CYFIP1: variants seen among roughly 807,000 people sequenced by gnomAD.
The protein encoded by CYFIP1 is cytoplasmic FMR1 interacting protein 1.
In CYFIP1, 58 loss-of-function variants were observed where a neutral mutation model predicts 163.5. The ratio of observed to expected loss-of-function variants is 0.35; its 90% CI spans 0.29 to 0.44. CYFIP1 has a LOEUF of 0.44. CYFIP1 is among the 20% of genes least tolerant of loss of function. The pLI is 1.00. For missense variants in CYFIP1, 1,338 were observed against 1,653.8 expected (o/e 0.81, Z 3.31); for synonymous variants, 663 against 660.7 (o/e 1.00, Z -0.05).
At chr15:22,912,790 C>T (rs1406553965) in intron 17 of CYFIP1, among the ~76,000 whole-genome samples, 3 of 151,888 alleles carry the variant, frequency 2.0e-5, no homozygotes, top group East Asian at 1.9e-4. Flanking sequence ...GGCGTGGTGG[C>T]GCACGCCTGA....
In CYFIP1 at chr15:22,944,855, G is replaced by A. The variant is rs189758995; in HGVS notation, c.285+7C>T. The A allele has an allele frequency of 2.7e-4, 437 of 1,613,052 alleles. No homozygotes were observed. The African/African-American group carries it at 5.3e-3, about 20-fold the overall frequency. On this transcript the variant is annotated splice_region_variant and intron_variant, in intron 4 of 30. Coordinates refer to ENST00000617928, the MANE Select transcript of CYFIP1 (RefSeq NM_014608.6). ...GCTGGAGGGGAAGAGCCAGGCGAGCGTGGCACCTGTGGGATGGCCCGGGAG... is the reference window on the plus strand; with the variant it reads ...GCTGGAGGGGAAGAGCCAGGCGAGCATGGCACCTGTGGGATGGCCCGGGAG...
intron 1 of CYFIP1, among the ~76,000 whole-genome samples, chr15:22,970,644 T>A (rs1047879535): frequency 1.3e-5 from 2 of 152,200 alleles, no homozygotes; most frequent in African/African-American, 4.8e-5. Flanking sequence ...CCTTCACATA[T>A]GTGGCCAAAC....
At chr15:22,956,446 C>T (rs564647999) in intron 1 of CYFIP1, among the ~76,000 whole-genome samples, 36 of 152,028 alleles carry the variant, frequency 2.4e-4, no homozygotes, top group African/African-American at 6.8e-4. Flanking sequence ...AGAGGTGGTG[C>T]CAAGAGATTA....
At chr15:22,914,975 T>G in intron 16 of CYFIP1, 93 bp from the exon 17 acceptor site, 1 of 1,322,436 alleles carries the variant, frequency 7.6e-7, no homozygotes. Flanking sequence ...GGGTGCCTGC[T>G]CCTCCTCGCT....
intron 24 of CYFIP1, among the ~76,000 whole-genome samples, chr15:22,882,255 A>AGCTCCAGGGTCCCCCAGGACGCTGTCTGT (rs2059788258): frequency 1.3e-5 from 2 of 152,214 alleles, no homozygotes; most frequent in African/African-American, 4.8e-5. Context: ...GAGCACTGCC[A>AGCTCCAGGGTCCCCCAGGACGCTGTCTGT]GCTCCAGGGT....
At chr15:22,920,837 T>C (rs2061151986) in intron 13 of CYFIP1, among the ~76,000 whole-genome samples, 1 of 151,954 alleles carries the variant, frequency 6.6e-6, no homozygotes, top group East Asian at 1.9e-4. Context: ...GTTTTTCCAA[T>C]CAACAAAAAA....
In CYFIP1 at chr15:22,912,182, G is replaced by A. The variant is rs368803509; in HGVS notation, c.2079C>T (p.Ala693=). ...NKQFLYDEIE[A]EVNLCFDQFV... ...AATGGAGCTGCAGGGGCCTCACCTC[G>A]GCCTCAATTTCGTCGTACAGGAACT... The change falls in exon 18 of 31, where the codon GCC becomes GCT. Residue 693 remains alanine (A), a synonymous_variant. Coordinates refer to ENST00000617928, the MANE Select transcript of CYFIP1 (RefSeq NM_014608.6). 6.8e-5 allele frequency: 109 copies of A among 1,613,116 alleles called. No homozygotes were observed. The highest frequency in any genetic ancestry group is 8.2e-5 in the Non-Finnish European group (97 of 1,179,420).
intron 1 of CYFIP1, among the ~76,000 whole-genome samples, chr15:22,959,563 G>C (rs1380071081): frequency 1.3e-5 from 2 of 152,322 alleles, no homozygotes; most frequent in East Asian, 3.9e-4. Context: ...GGCTCGGCTG[G>C]GCACCAAGCA....
At chr15:22,976,781 G>A (rs2063297118) in intron 1 of CYFIP1, among the ~76,000 whole-genome samples, 1 of 152,172 alleles carries the variant, frequency 6.6e-6, no homozygotes, top group Non-Finnish European at 1.5e-5. Context: ...TCAGGTTTCA[G>A]GCTTCCATTG....
intron 21 of CYFIP1, chr15:22,904,708 AT>A (rs2060512173): frequency 6.6e-6 from 1 of 152,140 alleles, no homozygotes; most frequent in East Asian, 1.9e-4. Flanking sequence ...TCGACCAATG[AT>A]TTTACTCAAA....
At chr15:22,920,924 C>T (rs2061154965) in intron 13 of CYFIP1, among the ~76,000 whole-genome samples, 1 of 152,100 alleles carries the variant, frequency 6.6e-6, no homozygotes, top group Non-Finnish European at 1.5e-5. Context: ...TTCACACTTA[C>T]AGGAAGAAGG....
intron 25 of CYFIP1, 108 bp downstream of exon 25, chr15:22,881,738 C>CT: frequency 1.9e-6 from 2 of 1,032,322 alleles, no homozygotes; most frequent in South Asian, 2.9e-5. Context: ...TGTCTGTCTA[C>CT]TGCCTCTTCC....
rs1383415778 is a variant in CYFIP1 at position 22,869,425 on chromosome 15, G to C, written c.*603C>G. ...AGTTCAGGTTAGAGTTCCTTGCCAA[G>C]CCAGGCAGCACAGGGTTAGAGTAAA... On this transcript the variant is annotated 3_prime_UTR_variant, in exon 31 of 31. Coordinates refer to ENST00000617928, the MANE Select transcript of CYFIP1 (RefSeq NM_014608.6). 1.3e-5 allele frequency: 2 copies of C among 152,192 alleles called. No homozygotes were observed. The highest frequency in any genetic ancestry group is 2.9e-5 in the Non-Finnish European group (2 of 68,074). 9.4% of individuals were successfully genotyped at this position (152,192 alleles called of 1,614,324 possible).
chr15:22,911,468 T>C (rs2060786347), intron 18 of CYFIP1, among the ~76,000 whole-genome samples: 1 of 152,172 alleles, frequency 6.6e-6, no homozygotes, highest in Admixed American at 6.5e-5. Context: ...ACCGAGGGCC[T>C]TCCCTGGAGC....
intron 1 of CYFIP1, among the ~76,000 whole-genome samples, chr15:22,956,467 G>A (rs1288359801): frequency 1.3e-5 from 2 of 151,952 alleles, no homozygotes; most frequent in African/African-American, 4.8e-5. Flanking sequence ...AAAGGGAAAA[G>A]GAAAAAAAAA....
intron 22 of CYFIP1, among the ~76,000 whole-genome samples, chr15:22,895,442 C>T (rs946661177): frequency 9.8e-5 from 15 of 152,316 alleles, no homozygotes; most frequent in Admixed American, 5.2e-4. Context: ...TGAGCCACTA[C>T]GCTCGGCCTC....
chr15:22,978,772 C>T (rs1417477108), intron 1 of CYFIP1, among the ~76,000 whole-genome samples: 2 of 152,222 alleles, frequency 1.3e-5, no homozygotes, highest in Middle Eastern at 3.4e-3. Context: ...ATAGCTGAAT[C>T]TCCAACGCCT....
Position 22,870,979 on chromosome 15 carries a change from A to AC in CYFIP1, c.3598-788_3598-787insG, listed in dbSNP as rs2059417865. Among the ~76,000 whole-genome samples, 3 of 152,000 alleles carry AC rather than the reference A, an allele frequency of 2.0e-5. No individual in the cohort carries two copies. The East Asian group carries it at 5.8e-4, about 29-fold the overall frequency. On this transcript the variant is annotated intron_variant, in intron 30 of 30. Coordinates refer to ENST00000617928, the MANE Select transcript of CYFIP1 (RefSeq NM_014608.6). ...CTACCTATGCAGGTGGTAAGGGGGA[A>AC]GCCAGGGCCTCCTCAGGGGCAGATG...
rs1218655478 is a variant in CYFIP1, at chr15:22,924,771, CA to C, written c.1359+1210del. 6.6e-5 allele frequency among the ~76,000 whole-genome samples: 10 copies of C among 152,214 alleles called. No individual in the cohort carries two copies. The East Asian group carries it at 9.7e-4, about 15-fold the overall frequency. ...GAATTTACTATGAAAAACCTTATGT[CA>C]AAAAATCAGAAAATTTTGGCTGGGC... On this transcript the variant is annotated intron_variant, in intron 13 of 30. Coordinates refer to ENST00000617928, the MANE Select transcript of CYFIP1 (RefSeq NM_014608.6).
Sources: gnomAD v4.1 joint callset for allele counts (sites outside exome capture counted in the v4.1 genomes callset) on GRCh38, gnomAD v4.1.1 for gene constraint, MANE v1.5 for transcripts, NCBI Gene and HGNC (gene_info 2026-07-23, HGNC 2026-07-21) for gene names.